The following YIPF7 variants were observed in gnomAD, a reference collection of about 807,000 sequenced individuals.
The protein encoded by YIPF7 is Yip1 domain family member 7.
A neutral mutation model predicts 27.2 loss-of-function variants in YIPF7; 35 were observed. The ratio of observed to expected loss-of-function variants is 1.29; its 90% confidence interval spans 0.98 to 1.70. The LOEUF (loss-of-function observed/expected upper bound fraction) is 1.70. YIPF7 is among the 40% of genes most tolerant of loss of function. The pLI, the probability that YIPF7 is intolerant of heterozygous loss-of-function variation, is 0.00. For synonymous variants in YIPF7, 137 were observed against 110.4 expected (o/e 1.24, Z -1.51); for missense variants, 358 against 303.7 (o/e 1.18, Z -1.33).
chr4:44,636,013 T>A lies in YIPF7; in HGVS notation c.189A>T (p.Ala63=). 1 of 1,613,908 alleles carries A rather than the reference T, an allele frequency of 6.2e-7. No homozygotes were observed. The highest frequency in any genetic ancestry group is 8.5e-7 in the Non-Finnish European group (1 of 1,179,832). The part of the protein sequence containing the change: ...PSEMLMSSGY[A]GQFFQPASNS... ...TGGATGCTGGCTGAAAAAATTGTCC[T>A]GCGTAACCCGATGACATGAGCATCT... is the stretch of plus-strand genomic sequence containing the variant. The change falls in exon 3 of 6, where the codon GCA becomes GCT. Residue 63 remains alanine (A), a synonymous_variant. Transcript: ENST00000415895.
At chr4:44,636,406 A>G (rs1204015224) in intron 2 of YIPF7, among the ~76,000 whole-genome samples, 1 of 152,192 alleles carries the variant, frequency 6.6e-6, no homozygotes, top group Non-Finnish European at 1.5e-5. Context: ...AAAAAGACAT[A>G]GAATTTCACA....
intron 1 of YIPF7, among the ~76,000 whole-genome samples, chr4:44,661,847 G>A (rs1714048077): frequency 6.6e-6 from 1 of 152,128 alleles, no homozygotes; most frequent in African/African-American, 2.4e-5. Context: ...TCAGAGAATG[G>A]GGACTTGGTC....
chr4:44,657,762 G>A (rs569899923), intron 2 of YIPF7, among the ~76,000 whole-genome samples: 1 of 152,266 alleles, frequency 6.6e-6, no homozygotes, highest in African/African-American at 2.4e-5. Context: ...CTACTGTAAC[G>A]ATGCTGCTTT....
intron 2 of YIPF7, among the ~76,000 whole-genome samples, chr4:44,644,825 G>C (rs1349457731): frequency 6.6e-6 from 1 of 152,104 alleles, no homozygotes; most frequent in African/African-American, 2.4e-5. Flanking sequence ...CTGGAGGTGG[G>C]GCCTAGAGGG....
At chr4:44,639,127 G>A (rs1713239539) in intron 2 of YIPF7, among the ~76,000 whole-genome samples, 1 of 152,112 alleles carries the variant, frequency 6.6e-6, no homozygotes, top group African/African-American at 2.4e-5. Flanking sequence ...GTAATGAGAT[G>A]CCTCCAGGTT....
At chr4:44,636,187 T>G (rs1000450128) in intron 2 of YIPF7, 102 bp from the exon 3 acceptor site, 1 of 1,261,278 alleles carries the variant, frequency 7.9e-7, no homozygotes, top group African/African-American at 1.5e-5. Context: ...GTAGTTTTTA[T>G]GAGTATTTAC....
intron 3 of YIPF7, among the ~76,000 whole-genome samples, chr4:44,632,373 A>T (rs1712937734): frequency 6.6e-6 from 1 of 152,232 alleles, no homozygotes; most frequent in Admixed American, 6.5e-5. Context: ...AAATTGTGGC[A>T]TTGGCCTTTC....
At chr4:44,660,124 A>AAAAAAAAAAAAAAAAAAAAAAAAAAAAAC (rs1188319616) in intron 2 of YIPF7, among the ~76,000 whole-genome samples, 1 of 145,930 alleles carries the variant, frequency 6.9e-6, no homozygotes, top group Non-Finnish European at 1.5e-5. Flanking sequence ...AAAAAAAAAA[A>AAAAAAAAAAAAAAAAAAAAAAAAAAAAAC]AAAAAAAAAA....
In YIPF7 at chr4:44,630,063, G is replaced by A. The variant is rs185440464; in HGVS notation, c.281-515C>T. Among the ~76,000 whole-genome samples, 8 of 152,226 alleles carry A rather than the reference G, an allele frequency of 5.3e-5. No individual in the cohort carries two copies. In the East Asian group the frequency reaches 1.5e-3, roughly 29 times the overall value. ...ACGATCTCAGCTCCTCCGCCTCCTG[G>A]GTTCAAGCAATCCTCCTGGCTCAGC... On this transcript the variant is annotated intron_variant, in intron 3 of 5. Transcript: ENST00000415895.
Position 44,635,867 on chromosome 4 carries a change from T to C in YIPF7, c.280+55A>G, listed in dbSNP as rs906644169. On this transcript the variant is annotated intron_variant, in intron 3 of 5. Coordinates refer to ENST00000415895, the MANE Select transcript of YIPF7 (RefSeq NM_182592.3). ...GCTGACAGCACACATTAAGTGCTAA[T>C]TATTGCTATTATTCTTCTAGCTGTA... 15 of 1,576,512 alleles carry C rather than the reference T, an allele frequency of 9.5e-6. No individual in the cohort carries two copies. In the Admixed American group the frequency reaches 1.5e-4, roughly 16 times the overall value.
chr4:44,626,631 G>A (rs1428233318), intron 4 of YIPF7, among the ~76,000 whole-genome samples: 1 of 152,010 alleles, frequency 6.6e-6, no homozygotes, highest in Non-Finnish European at 1.5e-5. Context: ...CCATTTAGCC[G>A]AAATCACGGC....
intron 2 of YIPF7, among the ~76,000 whole-genome samples, chr4:44,643,811 G>T (rs1386794631): frequency 6.6e-6 from 1 of 152,168 alleles, no homozygotes; most frequent in Non-Finnish European, 1.5e-5. Flanking sequence ...ATAGTGTAAA[G>T]CCTGCAGGGG....
chr4:44,660,424 A>T (rs1466509155), intron 2 of YIPF7: 1 of 152,126 alleles, frequency 6.6e-6, no homozygotes. Context: ...TTGTTCTTTG[A>T]GTCCGACTGC....
At chr4:44,645,347 C>T (rs551631927) in intron 2 of YIPF7, among the ~76,000 whole-genome samples, 28 of 152,274 alleles carry the variant, frequency 1.8e-4, no homozygotes, top group African/African-American at 6.7e-4. Context: ...TTCTTAGAGA[C>T]ATCTTTCAAG....
intron 2 of YIPF7, among the ~76,000 whole-genome samples, chr4:44,657,970 G>A (rs978950754): frequency 1.3e-5 from 2 of 152,132 alleles, no homozygotes; most frequent in Non-Finnish European, 2.9e-5. Context: ...TGTAATCCTA[G>A]CACTTTGGGA....
chr4:44,623,671 A>T (rs1376536137), intron 5 of YIPF7, among the ~76,000 whole-genome samples: 1 of 152,224 alleles, frequency 6.6e-6, no homozygotes, highest in Non-Finnish European at 1.5e-5. Context: ...TTTAAATAAA[A>T]CCTATTAGGG....
At chr4:44,643,669 C>A (rs1308291142) in intron 2 of YIPF7, among the ~76,000 whole-genome samples, 1 of 152,174 alleles carries the variant, frequency 6.6e-6, no homozygotes, top group Non-Finnish European at 1.5e-5. Context: ...GCCCAGGACC[C>A]CTCTTCCCTT....
chr4:44,623,767 A>G (rs954840446), intron 5 of YIPF7, among the ~76,000 whole-genome samples: 1 of 152,198 alleles, frequency 6.6e-6, no homozygotes, highest in African/African-American at 2.4e-5. Flanking sequence ...AGGAAGAAAA[A>G]AGAAAAAAAC....
At chr4:44,637,241 C>A (rs1343165823) in intron 2 of YIPF7, among the ~76,000 whole-genome samples, 1 of 152,060 alleles carries the variant, frequency 6.6e-6, no homozygotes, top group East Asian at 1.9e-4. Flanking sequence ...ATATTGACTT[C>A]TTTTCCTTTG....
Sources: allele counts gnomAD v4.1 joint callset (sites outside exome capture counted in the v4.1 genomes callset), GRCh38; gene constraint gnomAD v4.1.1; transcripts MANE v1.5; gene names NCBI Gene and HGNC (gene_info 2026-07-23, HGNC 2026-07-21).